The following LYST variants were observed in gnomAD, a reference collection of about 807,000 sequenced individuals.
The protein encoded by LYST is lysosomal trafficking regulator.
LYST carries 192 observed loss-of-function variants against 413.6 expected under a neutral mutation model. The ratio of observed to expected loss-of-function variants is 0.46; its 90% confidence interval spans 0.41 to 0.52. LYST has a LOEUF of 0.52. Among genes scored for constraint, LYST ranks in the 20% least tolerant of loss-of-function variants. The probability of loss-of-function intolerance (pLI) is 0.00; values close to 1 mark genes in which losing one functional copy is unlikely to be tolerated. For synonymous variants in LYST, 1,525 were observed against 1,567.3 expected (o/e 0.97, Z 0.64); for missense variants, 3,815 against 4,499.9 (o/e 0.85, Z 4.35).
chr1:235,774,991 T>C lies in LYST; in HGVS notation c.5556A>G (p.Leu1852=). The change falls in exon 18 of 53, where the codon TTA becomes TTG. Residue 1852 remains leucine, a synonymous_variant. Transcript: ENST00000389793. The part of the protein sequence containing the change: ...IKYNQQRVHE[L]ENCNGLSMIH... ...TCATAGAAAGTCCATTACAATTTTC[T>C]AATTCATGTACTCTTTGTTGGTTGT... is the stretch of plus-strand genomic sequence containing the variant. 1.2e-6 allele frequency: 2 copies of C among 1,609,760 alleles called. No homozygotes were observed. Among genetic ancestry groups the C allele is most frequent in the Non-Finnish European group, 8.5e-7 (1 of 1,177,046 alleles).
At chr1:235,791,412 C>G (rs1016878792) in intron 12 of LYST, among the ~76,000 whole-genome samples, 2 of 152,054 alleles carry the variant, frequency 1.3e-5, no homozygotes, top group African/African-American at 4.8e-5. Context: ...GTAATGGGAC[C>G]AGGAGAGAAG....
chr1:235,675,428 A>G (rs567033405), intron 50 of LYST, among the ~76,000 whole-genome samples: 1 of 152,316 alleles, frequency 6.6e-6, no homozygotes, highest in South Asian at 2.1e-4. Context: ...AGGGATAAAA[A>G]TCTTTATCTC....
intron 38 of LYST, 64 bp from the exon 39 acceptor site, chr1:235,724,244 T>C: frequency 4.3e-6 from 6 of 1,397,878 alleles, no homozygotes; most frequent in Non-Finnish European, 6.0e-6. Flanking sequence ...ACTTTAATTT[T>C]AGATTTTAAA....
intron 1 of LYST, among the ~76,000 whole-genome samples, chr1:235,857,310 G>A (rs1679301916): frequency 6.6e-6 from 1 of 152,122 alleles, no homozygotes; most frequent in Non-Finnish European, 1.5e-5. Context: ...AGATGGGCAT[G>A]AGTGGAGATT....
In LYST at chr1:235,798,576, C is replaced by CTTAAAAAAAAAAAAAAAAAAAAA. The variant is rs1558261064; in HGVS notation, c.4006+1743_4006+1744insTTTTTTTTTTTTTTTTTTTTTAA. 8.2e-5 allele frequency among the ~76,000 whole-genome samples: 2 copies of CTTAAAAAAAAAAAAAAAAAAAAA among 24,528 alleles called. 1 individual carries two copies. Among genetic ancestry groups the CTTAAAAAAAAAAAAAAAAAAAAA allele is most frequent in the African/African-American group, 2.7e-4 (2 of 7,312 alleles). The allele number at this position is 24,528 out of a possible 152,430, so 16.1% of individuals were successfully genotyped here. A position where few individuals can be genotyped will look rare whatever the true frequency, so the allele number is the denominator to read the frequency against. On this transcript the variant is annotated intron_variant, in intron 10 of 52. Coordinates refer to ENST00000389793, the MANE Select transcript of LYST (RefSeq NM_000081.4). ...CTTGGCGACAAGGGCAAAACCCTGTCATAAAAAAAAAAAAAAAAAAAAAAA... is the reference window on the plus strand; with the variant it reads ...CTTGGCGACAAGGGCAAAACCCTGTCTTAAAAAAAAAAAAAAAAAAAAAATAAAAAAAAAAAAAAAAAAAAAAA...
Position 235,712,062 on chromosome 1 carries a change from C to T in LYST, c.9920G>A (p.Arg3307His), listed in dbSNP as rs756381548. 15 of 1,537,228 alleles carry T rather than the reference C, an allele frequency of 9.8e-6. No homozygotes were observed. Among genetic ancestry groups the T allele is most frequent in the Middle Eastern group, 1.7e-4 (1 of 5,938 alleles). ...AAAATAATTTATTGCTATACCTTCA[C>T]GGTTAACTAGGAACTCTGGAAGATA... The part of the protein sequence containing the change: ...FFYLPEFLVN[R>H]EGFDFGVRQN... The change falls in exon 43 of 53, where the codon CGT becomes CAT. Residue 3307 changes from arginine (R) to histidine (H), a missense_variant. By Grantham distance (29) the Arg-to-His change is conservative. This residue lies in a region of LYST where 866 missense variants were observed against 1,156.0 expected (regional missense o/e 0.75). Transcript: ENST00000389793.
At chr1:235,748,116 C>G (rs1377818323) in intron 28 of LYST, among the ~76,000 whole-genome samples, 1 of 152,102 alleles carries the variant, frequency 6.6e-6, no homozygotes, top group Non-Finnish European at 1.5e-5. Flanking sequence ...CTCATTCTCA[C>G]AAATAATAAA....
intron 1 of LYST, among the ~76,000 whole-genome samples, chr1:235,847,786 G>C (rs1678049445): frequency 6.6e-6 from 1 of 152,162 alleles, no homozygotes; most frequent in Non-Finnish European, 1.5e-5. Flanking sequence ...GCAGTTAAAA[G>C]AGACAAAGAG....
chr1:235,759,662 G>T, intron 22 of LYST, 63 bp from the exon 23 acceptor site: 1 of 1,261,094 alleles, frequency 7.9e-7, no homozygotes, highest in Non-Finnish European at 1.2e-6. Flanking sequence ...CCTCTCTTTT[G>T]CATTATAAAT....
chr1:235,713,502 T>C (rs1294957600), intron 42 of LYST, among the ~76,000 whole-genome samples: 1 of 152,218 alleles, frequency 6.6e-6, no homozygotes, highest in Non-Finnish European at 1.5e-5. Flanking sequence ...TCCCATTATC[T>C]AGAATATGCA....
At position 235,804,649 on chromosome 1, in the gene LYST, C is replaced by T. The variant is rs1218902637; in HGVS notation, c.3410G>A (p.Ser1137Asn). Residue 1137 changes from serine to asparagine, a missense_variant, in exon 7 of 53, where the codon AGT becomes AAT. Ser to Asn is a conservative substitution (Grantham distance 46). Around this residue, in one of 4 missense-constraint regions of LYST, gnomAD observed 1,648 missense variants for 1,810.3 expected, o/e 0.91. Transcript: ENST00000389793. ...ELPNQNLSVE[S>N]ILFEMRDHLS... ...ATGGTCCCTCATTTCAAATAATATACTTTCCACAGACAAGTTCTAAGGTAA... is the reference window on the plus strand; with the variant it reads ...ATGGTCCCTCATTTCAAATAATATATTTTCCACAGACAAGTTCTAAGGTAA... The T allele has an allele frequency of 6.2e-7, 1 of 1,604,352 alleles. No homozygotes were observed. Among genetic ancestry groups the T allele is most frequent in the Non-Finnish European group, 8.5e-7 (1 of 1,171,982 alleles).
intron 25 of LYST, among the ~76,000 whole-genome samples, chr1:235,753,797 C>T (rs757271317): frequency 2.4e-4 from 36 of 152,082 alleles, no homozygotes; most frequent in Non-Finnish European, 4.0e-4. Context: ...CTTTTCTTCT[C>T]AAGGCTATTG....
At position 235,757,443 on chromosome 1, in the gene LYST, A is replaced by T; in HGVS notation, c.6897T>A (p.Cys2299Ter). The change falls in exon 24 of 53, where the codon TGT becomes TGA. Residue 2299 changes from cysteine to a stop codon, truncating the protein, a stop_gained. Transcript: ENST00000389793. LOFTEE classifies it high-confidence loss of function. ...ATAATCCACAGCATATAGGTACCAA[A>T]CAGTCTTCAGTTACACTAAAACAGA... ...TASAHSVTED[C>*]LVPICCGLYE... The T allele has an allele frequency of 6.2e-7, 1 of 1,613,536 alleles. No homozygotes were observed. Among genetic ancestry groups the T allele is most frequent in the Non-Finnish European group, 8.5e-7 (1 of 1,179,596 alleles).
chr1:235,788,769 A>G lies in LYST; in HGVS notation c.4620T>C (p.Ile1540=), dbSNP rs762210804. The G allele has an allele frequency of 1.2e-6, 2 of 1,613,416 alleles. No individual in the cohort carries two copies. The highest frequency in any genetic ancestry group is 3.3e-5 in the Admixed American group (2 of 59,990). Reference sequence around the variant, plus strand: ...TCATCAACGCTTTGGATCCCAGTGAAATTATATGAATACATCCTTCTTCTA... The same window carrying G: ...TCATCAACGCTTTGGATCCCAGTGAGATTATATGAATACATCCTTCTTCTA... ...RLIEEGCIHI[I]SLGSKALMIQ... The change falls in exon 13 of 53, where the codon ATT becomes ATC. Residue 1540 remains isoleucine (I), a synonymous_variant. Coordinates refer to ENST00000389793, the MANE Select transcript of LYST (RefSeq NM_000081.4).
At chr1:235,843,575 C>T (rs1558330315) in intron 1 of LYST, among the ~76,000 whole-genome samples, 1 of 152,058 alleles carries the variant, frequency 6.6e-6, no homozygotes, top group Non-Finnish European at 1.5e-5. Context: ...CACCTTATGA[C>T]AGACAGTGCC....
rs768065591 is a variant in LYST at position 235,806,089 on chromosome 1, G to A, written c.3047C>T (p.Thr1016Ile). The A allele has an allele frequency of 1.9e-6, 3 of 1,613,428 alleles. No individual in the cohort carries two copies. The highest frequency in any genetic ancestry group is 3.3e-5 in the Admixed American group (2 of 59,954). Residue 1016 changes from threonine to isoleucine, a missense_variant, in exon 6 of 53, where the codon ACA (threonine) becomes ATA (isoleucine). Thr to Ile is a moderately conservative substitution (Grantham distance 89, BLOSUM62 -1). This residue lies in a region of LYST where 1,648 missense variants were observed against 1,810.3 expected (regional missense o/e 0.91). Coordinates refer to ENST00000389793, the MANE Select transcript of LYST (RefSeq NM_000081.4). ...TAAATCCTGGTTTTCATTTACACTT[G>A]TATCTCCCTCCTTTTTTCCTTGCTC... The part of the protein sequence containing the change: ...KEEQGKKEGD[T>I]SVNENQDLNR...
intron 21 of LYST, among the ~76,000 whole-genome samples, chr1:235,763,223 G>A (rs1402727625): frequency 6.6e-6 from 1 of 152,140 alleles, no homozygotes; most frequent in Non-Finnish European, 1.5e-5. Flanking sequence ...ATCCCCTTCA[G>A]TGTCTAATAT....
chr1:235,777,455 A>C (rs1252050345), intron 16 of LYST, 147 bp from the exon 17 acceptor site: 10 of 682,436 alleles, frequency 1.5e-5, no homozygotes, highest in Non-Finnish European at 2.3e-5. Flanking sequence ...AAACAGATAA[A>C]CATTAGAAGC....
chr1:235,702,918 T>C lies in LYST; in HGVS notation c.10203A>G (p.Glu3401=), dbSNP rs899868994. ...TCTGCCCGTAGGTTTTTATCATGGT[T>C]TCTAGCGCTCGTCTCTGAACTGGAT... is the stretch of plus-strand genomic sequence containing the variant. ...VEDPVQRRAL[E]TMIKTYGQTP... Residue 3401 remains glutamate, a synonymous_variant, in exon 45 of 53, where the codon GAA becomes GAG. Transcript: ENST00000389793. The C allele has an allele frequency of 1.9e-5, 30 of 1,614,060 alleles. No homozygotes were observed. The highest frequency in any genetic ancestry group is 2.5e-5 in the Non-Finnish European group (30 of 1,180,024).
Sources: allele counts gnomAD v4.1 joint callset (sites outside exome capture counted in the v4.1 genomes callset), GRCh38; gene constraint gnomAD v4.1.1; regional missense constraint gnomAD v4.1.1; transcripts MANE v1.5; gene names NCBI Gene and HGNC (gene_info 2026-07-23, HGNC 2026-07-21).